The following DEPTOR variants were observed in gnomAD, a reference collection of about 807,000 sequenced individuals.
The protein encoded by DEPTOR is DEP domain containing MTOR interacting protein.
In DEPTOR, 41 loss-of-function variants were observed where a neutral mutation model predicts 41.6. That is an observed-to-expected ratio of 0.98 (90% CI 0.77 to 1.28). The LOEUF (loss-of-function observed/expected upper bound fraction) is 1.28, where lower values mean the gene tolerates loss of function less well. Ranked by LOEUF, DEPTOR falls within the 50% of genes most tolerant of loss-of-function variation. The pLI, the probability that DEPTOR is intolerant of heterozygous loss-of-function variation, is 0.00. For synonymous variants in DEPTOR, 195 were observed against 192.3 expected (o/e 1.01, Z -0.12); for missense variants, 514 against 527.9 (o/e 0.97, Z 0.26).
At chr8:119,995,598 AAAAAG>A (rs1320738021) in intron 4 of DEPTOR, among the ~76,000 whole-genome samples, 5 of 152,108 alleles carry the variant, frequency 3.3e-5, no homozygotes, top group African/African-American at 4.8e-5. Context: ...CAAAAAAAAA[AAAAAG>A]AAAAGAAAAG....
intron 8 of DEPTOR, among the ~76,000 whole-genome samples, chr8:120,023,553 C>A (rs1812754358): frequency 6.6e-6 from 1 of 152,138 alleles, no homozygotes; most frequent in African/African-American, 2.4e-5. Flanking sequence ...ACCCAAGAAT[C>A]TTGGGAAGTA....
chr8:120,008,453 C>T (rs772975183), intron 7 of DEPTOR, among the ~76,000 whole-genome samples: 6 of 138,408 alleles, frequency 4.3e-5, no homozygotes, highest in African/African-American at 7.9e-5. Context: ...CGCTTGAACC[C>T]GGGAGGTGGG....
intron 8 of DEPTOR, among the ~76,000 whole-genome samples, chr8:120,015,335 G>GTGATATTCC (rs1812592485): frequency 6.6e-6 from 1 of 152,172 alleles, no homozygotes; most frequent in African/African-American, 2.4e-5. Context: ...TGAATACCCT[G>GTGATATTCC]TGATATTCCT....
At chr8:119,991,088 T>C (rs918297886) in intron 4 of DEPTOR, among the ~76,000 whole-genome samples, 6 of 45,830 alleles carry the variant, frequency 1.3e-4, no homozygotes, top group East Asian at 3.0e-3. Flanking sequence ...CTTTCTTTCT[T>C]TTTCTTTCTT....
At chr8:119,966,104 A>G (rs895543090) in intron 4 of DEPTOR, among the ~76,000 whole-genome samples, 4 of 152,160 alleles carry the variant, frequency 2.6e-5, no homozygotes, top group African/African-American at 7.2e-5. Context: ...CTACTTACAG[A>G]GTGTTTACAT....
At chr8:119,991,194 G>A (rs1274856412) in intron 4 of DEPTOR, among the ~76,000 whole-genome samples, 1 of 150,664 alleles carries the variant, frequency 6.6e-6, no homozygotes, top group African/African-American at 2.4e-5. Flanking sequence ...GTATTACGGG[G>A]GGTTATTGTA....
At chr8:119,992,678 G>C (rs1416734296) in intron 4 of DEPTOR, among the ~76,000 whole-genome samples, 1 of 128,346 alleles carries the variant, frequency 7.8e-6, no homozygotes, top group African/African-American at 2.9e-5. Flanking sequence ...TTTTTTTTGA[G>C]ACAGAGTCTT....
At chr8:119,951,068 C>A (rs917858745) in intron 3 of DEPTOR, among the ~76,000 whole-genome samples, 1 of 130,480 alleles carries the variant, frequency 7.7e-6, no homozygotes, top group Non-Finnish European at 1.7e-5. Context: ...TATACACACA[C>A]ACAAACACAC....
intron 1 of DEPTOR, among the ~76,000 whole-genome samples, chr8:119,926,812 T>C (rs1203996185): frequency 6.6e-6 from 1 of 152,180 alleles, no homozygotes; most frequent in African/African-American, 2.4e-5. Flanking sequence ...TTTTAGATAA[T>C]AAATATTTGC....
At chr8:120,008,950 CT>C in intron 7 of DEPTOR, 78 bp from the exon 8 acceptor site, 1 of 1,314,980 alleles carries the variant, frequency 7.6e-7, no homozygotes, top group South Asian at 1.2e-5. Flanking sequence ...TAATCCTGGG[CT>C]GGTTTTCTCT....
intron 1 of DEPTOR, among the ~76,000 whole-genome samples, chr8:119,881,702 G>C (rs892361535): frequency 6.6e-6 from 1 of 151,976 alleles, no homozygotes; most frequent in African/African-American, 2.4e-5. Flanking sequence ...TATCTTAGGG[G>C]GTGTCCCTTA....
At chr8:119,890,548 C>T (rs1444626805) in intron 1 of DEPTOR, among the ~76,000 whole-genome samples, 3 of 152,016 alleles carry the variant, frequency 2.0e-5, no homozygotes, top group Admixed American at 6.6e-5. Flanking sequence ...GGTGATCCAC[C>T]CACCTCGGCC....
chr8:120,042,346 A>C (rs780169901), intron 8 of DEPTOR, among the ~76,000 whole-genome samples: 9 of 152,184 alleles, frequency 5.9e-5, no homozygotes, highest in Admixed American at 2.0e-4. Flanking sequence ...AGTGTACCAT[A>C]GATGTTAAAT....
At chr8:120,041,971 A>G (rs1813080282) in intron 8 of DEPTOR, among the ~76,000 whole-genome samples, 1 of 152,156 alleles carries the variant, frequency 6.6e-6, no homozygotes, top group South Asian at 2.1e-4. Context: ...AGGTGAAGGT[A>G]CTACCTCTTT....
chr8:119,938,575 C>T (rs1828140966), intron 3 of DEPTOR, among the ~76,000 whole-genome samples: 1 of 152,082 alleles, frequency 6.6e-6, no homozygotes, highest in African/African-American at 2.4e-5. Context: ...TACAGTGGCA[C>T]AATCTTGGCT....
intron 8 of DEPTOR, among the ~76,000 whole-genome samples, chr8:120,014,031 G>T (rs528422065): frequency 6.6e-6 from 1 of 152,018 alleles, no homozygotes; most frequent in African/African-American, 2.4e-5. Flanking sequence ...TAGAAACGGG[G>T]TTTCACCATG....
chr8:120,007,451 G>A (rs73329657), intron 7 of DEPTOR, among the ~76,000 whole-genome samples: 3 of 152,062 alleles, frequency 2.0e-5, no homozygotes, highest in Admixed American at 6.6e-5. Flanking sequence ...GAGCAGCTCC[G>A]GACCACCTGC....
chr8:119,883,672 G>A (rs1258049342), intron 1 of DEPTOR, among the ~76,000 whole-genome samples: 1 of 152,024 alleles, frequency 6.6e-6, no homozygotes, highest in Non-Finnish European at 1.5e-5. Flanking sequence ...TAACTCTCAG[G>A]CTGCTACTTA....
intron 3 of DEPTOR, among the ~76,000 whole-genome samples, chr8:119,962,124 G>T (rs998960194): frequency 3.4e-4 from 52 of 151,768 alleles, no homozygotes; most frequent in African/African-American, 1.2e-3. Context: ...GGACATGGTG[G>T]TGCATGCCTG....
Sources: allele counts gnomAD v4.1 joint callset (sites outside exome capture counted in the v4.1 genomes callset), GRCh38; gene constraint gnomAD v4.1.1; transcripts MANE v1.5; gene names NCBI Gene and HGNC (gene_info 2026-07-23, HGNC 2026-07-21).